DMXL1: variants seen among roughly 807,000 people sequenced by gnomAD.
DMXL1 encodes dmX-like protein 1.
Under a neutral mutation model 319.2 loss-of-function variants are expected in DMXL1, and 99 were observed. That is an observed-to-expected ratio of 0.31 (90% CI 0.26 to 0.37). The LOEUF (loss-of-function observed/expected upper bound fraction) is 0.37. DMXL1 is among the 10% of genes least tolerant of loss of function. The pLI is 1.00. For synonymous variants in DMXL1, 1,385 were observed against 1,235.2 expected (o/e 1.12, Z -2.54); for missense variants, 3,745 against 3,595.6 (o/e 1.04, Z -1.06).
At chr5:119,221,451 A>G (rs1197619267) in intron 37 of DMXL1, among the ~76,000 whole-genome samples, 1 of 152,188 alleles carries the variant, frequency 6.6e-6, no homozygotes, top group Non-Finnish European at 1.5e-5. Flanking sequence ...TGGTTTATAC[A>G]TTGTTTTTTC....
chr5:119,202,656 A>G (rs1477248134), intron 32 of DMXL1, among the ~76,000 whole-genome samples: 2 of 151,920 alleles, frequency 1.3e-5, no homozygotes, highest in African/African-American at 2.4e-5. Flanking sequence ...GTTCAAGACC[A>G]GCCTGCCAAC....
In DMXL1 at chr5:119,119,001, A is replaced by G. The variant is rs770938719; in HGVS notation, c.930A>G (p.Leu310=). 6.2e-6 allele frequency: 10 copies of G among 1,602,738 alleles called. No individual in the cohort carries two copies. The Admixed American group carries it at 6.9e-5, about 11-fold the overall frequency. ...ASSKERVQNA[L]EVNLRHFRRG... is the part of the protein sequence containing the mutation. ...GTAAAGAACGAGTTCAAAATGCTTT[A>G]GAAGTGAGTGTTTTTGTTACATTAC... Residue 310 remains leucine (L), a synonymous_variant, in exon 8 of 44, where the codon TTA becomes TTG. Coordinates refer to ENST00000539542, the MANE Select transcript of DMXL1 (RefSeq NM_001290321.3).
intron 2 of DMXL1, 145 bp downstream of exon 2, chr5:119,098,249 A>G: frequency 1.3e-6 from 1 of 786,424 alleles, no homozygotes; most frequent in Non-Finnish European, 2.0e-6. Flanking sequence ...GCTGTCTAAG[A>G]TGCATTCTAT....
At chr5:119,072,995 T>G (rs557797054) in intron 1 of DMXL1, among the ~76,000 whole-genome samples, 8 of 152,176 alleles carry the variant, frequency 5.3e-5, no homozygotes, top group African/African-American at 1.9e-4. Context: ...TAGGATAATA[T>G]TGTTGCATTC....
chr5:119,205,167 T>C (rs1267880602), intron 33 of DMXL1, among the ~76,000 whole-genome samples: 2 of 152,262 alleles, frequency 1.3e-5, no homozygotes, highest in Non-Finnish European at 2.9e-5. Flanking sequence ...TTAAAAAAAT[T>C]GACATATTTG....
At chr5:119,190,751 G>A (rs1221278148) in intron 29 of DMXL1, among the ~76,000 whole-genome samples, 1 of 152,214 alleles carries the variant, frequency 6.6e-6, no homozygotes, top group African/African-American at 2.4e-5. Flanking sequence ...TAGTGAAAGT[G>A]AACTTATAAA....
At chr5:119,123,387 A>G (rs1762721355) in intron 9 of DMXL1, among the ~76,000 whole-genome samples, 1 of 32,776 alleles carries the variant, frequency 3.1e-5, no homozygotes, top group Admixed American at 4.1e-4. Context: ...GAGGGAGAGG[A>G]GGGAGAGGAG....
intron 31 of DMXL1, 88 bp from the exon 32 acceptor site, chr5:119,197,667 C>A: frequency 1.7e-6 from 2 of 1,160,736 alleles, no homozygotes; most frequent in South Asian, 1.4e-5. Flanking sequence ...CCTGCATCTG[C>A]TCTCCCCTCT....
chr5:119,195,096 A>G (rs566923775), intron 30 of DMXL1, among the ~76,000 whole-genome samples: 1 of 152,262 alleles, frequency 6.6e-6, no homozygotes, highest in Non-Finnish European at 1.5e-5. Flanking sequence ...AAAAAAAATA[A>G]CAGTGCTGGC....
At chr5:119,234,888 A>G (rs1787447029) in intron 39 of DMXL1, among the ~76,000 whole-genome samples, 1 of 152,136 alleles carries the variant, frequency 6.6e-6, no homozygotes. Flanking sequence ...TTCTTTAACA[A>G]GTATTTAAGA....
chr5:119,084,882 G>C (rs1468765884), intron 1 of DMXL1, among the ~76,000 whole-genome samples: 1 of 143,718 alleles, frequency 7.0e-6, no homozygotes, highest in African/African-American at 2.6e-5. Flanking sequence ...AAAAAAAAAA[G>C]ATCCTAAAAT....
At chr5:119,080,864 G>A (rs1043358340) in intron 1 of DMXL1, among the ~76,000 whole-genome samples, 4 of 151,916 alleles carry the variant, frequency 2.6e-5, no homozygotes, top group African/African-American at 4.8e-5. Flanking sequence ...AGTAAGAAAC[G>A]CTTTCTTATT....
chr5:119,097,439 C>T (rs111428688), intron 1 of DMXL1, among the ~76,000 whole-genome samples: 4,227 of 152,130 alleles, frequency 0.028, 184 homozygotes, highest in African/African-American at 0.096. Flanking sequence ...AAAAGTGAGC[C>T]GGGCGCAGTG....
chr5:119,143,586 G>T (rs181260689), intron 13 of DMXL1, among the ~76,000 whole-genome samples: 185 of 151,976 alleles, frequency 1.2e-3, no homozygotes, highest in Middle Eastern at 3.4e-3. Context: ...CACATTTATG[G>T]ATGTAATTTT....
intron 28 of DMXL1, among the ~76,000 whole-genome samples, chr5:119,189,475 T>G (rs1024673639): frequency 6.6e-6 from 1 of 152,186 alleles, no homozygotes; most frequent in African/African-American, 2.4e-5. Flanking sequence ...ATACAATAGG[T>G]AAGTCAGCAT....
At chr5:119,151,384 C>A (rs996057793) in intron 18 of DMXL1, among the ~76,000 whole-genome samples, 6 of 151,968 alleles carry the variant, frequency 3.9e-5, no homozygotes, top group African/African-American at 1.4e-4. Context: ...AATATAATAA[C>A]AAAATTTAAA....
At chr5:119,180,779 A>G (rs1776644750) in intron 28 of DMXL1, among the ~76,000 whole-genome samples, 1 of 152,178 alleles carries the variant, frequency 6.6e-6, no homozygotes, top group Non-Finnish European at 1.5e-5. Context: ...AGTAGGATCC[A>G]TAGCTCTGTT....
chr5:119,139,708 A>C (rs1188581261), intron 13 of DMXL1, among the ~76,000 whole-genome samples: 1 of 152,190 alleles, frequency 6.6e-6, no homozygotes, highest in Non-Finnish European at 1.5e-5. Context: ...TCAGTATTAG[A>C]CAGCTCATCG....
intron 1 of DMXL1, among the ~76,000 whole-genome samples, chr5:119,072,339 AT>A (rs1173759115): frequency 6.6e-6 from 1 of 152,048 alleles, no homozygotes; most frequent in African/African-American, 2.4e-5. Flanking sequence ...GTATAGTGGC[AT>A]TTTTCTACCT....
Sources: allele counts gnomAD v4.1 joint callset (sites outside exome capture counted in the v4.1 genomes callset), GRCh38; gene constraint gnomAD v4.1.1; transcripts MANE v1.5; gene names NCBI Gene and HGNC (gene_info 2026-07-23, HGNC 2026-07-21).